The following DMD variants were observed in gnomAD, a reference collection of about 807,000 sequenced individuals.
DMD encodes the protein mutant dystrophin.
A neutral mutation model predicts 330.1 loss-of-function variants in DMD; 63 were observed. The observed-to-expected ratio is 0.19, with a 90% CI of 0.16 to 0.24. The LOEUF is 0.24. DMD is among the 10% of genes least tolerant of loss of function. The pLI is 1.00. For missense variants in DMD, 3,344 were observed against 2,684.1 expected (o/e 1.25, Z -5.43); for synonymous variants, 1,223 against 959.8 (o/e 1.27, Z -5.07).
Position 32,524,229 on chromosome X carries a change from C to T in DMD, c.2169-6098G>A, listed in dbSNP as rs191211417. Among the ~76,000 whole-genome samples, 561 of 111,808 alleles carry T rather than the reference C, an allele frequency of 5.0e-3. 1 individual carries two copies. Among genetic ancestry groups the T allele is most frequent in the Non-Finnish European group, 6.4e-3 (340 of 53,160 alleles). Reference sequence around the variant, plus strand: ...GATTACAGGCGTGAGCCACCGCGCCCGGCCCCAGAAGAAATCTTGTAACAC... The same window carrying T: ...GATTACAGGCGTGAGCCACCGCGCCTGGCCCCAGAAGAAATCTTGTAACAC... On this transcript the variant is annotated intron_variant, in intron 17 of 78. Transcript: ENST00000357033.
intron 43 of DMD, among the ~76,000 whole-genome samples, chrX:32,284,342 G>C (rs1306700187): frequency 1.8e-5 from 2 of 111,654 alleles, no homozygotes; most frequent in African/African-American, 6.5e-5. Flanking sequence ...TACAGCTCCA[G>C]TCTATCAACC....
chrX:32,664,417 A>AT (rs371668340), intron 9 of DMD, among the ~76,000 whole-genome samples: 1,183 of 109,145 alleles, frequency 0.011, 14 homozygotes, highest in Admixed American at 0.033. Flanking sequence ...AATTTTTTGT[A>AT]TTTTTAGTAG....
chrX:31,690,310 A>G (rs1186199449), intron 52 of DMD, among the ~76,000 whole-genome samples: 2 of 112,432 alleles, frequency 1.8e-5, no homozygotes, highest in African/African-American at 6.5e-5. Flanking sequence ...TGGGCGAAGG[A>G]TATGAACAGA....
intron 41 of DMD, among the ~76,000 whole-genome samples, chrX:32,312,857 C>T (rs755746098): frequency 2.0e-5 from 2 of 101,328 alleles, no homozygotes; most frequent in South Asian, 9.9e-4. Context: ...CACATACACC[C>T]TCCCAAGACT....
chrX:32,442,068 T>C (rs2098283350), intron 27 of DMD, among the ~76,000 whole-genome samples: 1 of 110,875 alleles, frequency 9.0e-6, no homozygotes, highest in South Asian at 3.7e-4. Flanking sequence ...AAGCAGAACT[T>C]TAAAATTTCT....
chrX:33,159,340 G>A (rs937178494), intron 1 of DMD: 1 of 110,603 alleles, frequency 9.0e-6, no homozygotes, highest in East Asian at 2.8e-4. Flanking sequence ...GAACATGCAG[G>A]TTTGTTACAT....
intron 1 of DMD, among the ~76,000 whole-genome samples, chrX:33,065,193 T>C: frequency 8.9e-6 from 1 of 112,349 alleles, no homozygotes; most frequent in East Asian, 2.8e-4. Flanking sequence ...AATGTAATTA[T>C]AATTTTGTGT....
intron 50 of DMD, among the ~76,000 whole-genome samples, chrX:31,795,649 T>C (rs750304130): frequency 8.9e-6 from 1 of 112,259 alleles, no homozygotes; most frequent in Non-Finnish European, 1.9e-5. Context: ...AAGTGCATTC[T>C]CTTTCTTGCA....
intron 45 of DMD, among the ~76,000 whole-genome samples, chrX:31,961,738 CG>C (rs1385971629): frequency 1.5e-5 from 1 of 65,455 alleles, no homozygotes; most frequent in Non-Finnish European, 2.6e-5. Context: ...CCAAAGGAAG[CG>C]GTTTTTTTTT....
chrX:32,615,330 G>T (rs963431594), intron 11 of DMD, among the ~76,000 whole-genome samples: 19 of 111,472 alleles, frequency 1.7e-4, no homozygotes, highest in African/African-American at 5.5e-4. Flanking sequence ...TAGGTTCACA[G>T]CCCAGCGGTA....
chrX:31,897,456 T>C (rs200470255), intron 47 of DMD, among the ~76,000 whole-genome samples: 6,136 of 99,070 alleles, frequency 0.062, 507 homozygotes, highest in African/African-American at 0.2. Context: ...GATGGCTGGG[T>C]CAAATGGTAT....
chrX:32,774,918 A>G (rs767297702), intron 7 of DMD, among the ~76,000 whole-genome samples: 2 of 112,144 alleles, frequency 1.8e-5, no homozygotes, highest in Non-Finnish European at 3.8e-5. Context: ...AGACAAGGCA[A>G]GTTCTCTCTG....
At chrX:32,750,728 G>C (rs1203487235) in intron 7 of DMD, among the ~76,000 whole-genome samples, 1 of 111,143 alleles carries the variant, frequency 9.0e-6, no homozygotes, top group African/African-American at 3.3e-5. Flanking sequence ...TCCTCTGATT[G>C]ATCTCCACCC....
chrX:31,512,158 T>C (rs2147243333), intron 55 of DMD, among the ~76,000 whole-genome samples: 1 of 111,044 alleles, frequency 9.0e-6, no homozygotes, highest in African/African-American at 3.3e-5. Flanking sequence ...GTTCATGTCC[T>C]TCACCCACTT....
At chrX:33,120,161 C>G (rs2095414355) in intron 1 of DMD, among the ~76,000 whole-genome samples, 4 of 111,978 alleles carry the variant, frequency 3.6e-5, no homozygotes, top group Non-Finnish European at 7.5e-5. Flanking sequence ...GACACTGAGG[C>G]AAGGATTTGA....
intron 60 of DMD, among the ~76,000 whole-genome samples, chrX:31,369,705 G>T (rs1055179466): frequency 9.0e-6 from 1 of 110,722 alleles, no homozygotes; most frequent in Middle Eastern, 4.2e-3. Context: ...ATAGAAGGTG[G>T]CTGGGTCTGA....
At chrX:31,858,370 A>G (rs866721481) in intron 48 of DMD, among the ~76,000 whole-genome samples, 1 of 111,361 alleles carries the variant, frequency 9.0e-6, no homozygotes, top group Non-Finnish European at 1.9e-5. Flanking sequence ...GGATATATGA[A>G]GTATTACTTA....
intron 7 of DMD, among the ~76,000 whole-genome samples, chrX:32,769,782 T>G (rs1193095039): frequency 8.8e-5 from 9 of 102,577 alleles, no homozygotes; most frequent in Non-Finnish European, 1.8e-4. Flanking sequence ...GTTTTATTAG[T>G]AAATTGAGTA....
chrX:32,950,638 T>C (rs1342793746), intron 2 of DMD, among the ~76,000 whole-genome samples: 1 of 111,794 alleles, frequency 8.9e-6, no homozygotes, highest in African/African-American at 3.3e-5. Context: ...CTTACCCTTC[T>C]GAATCTTCAT....
Sources: allele counts gnomAD v4.1 joint callset (sites outside exome capture counted in the v4.1 genomes callset), GRCh38; gene constraint gnomAD v4.1.1; transcripts MANE v1.5; gene names NCBI Gene and HGNC (gene_info 2026-07-23, HGNC 2026-07-21).